Variants in USP48 observed in about 807,000 individuals in gnomAD.
The protein encoded by USP48 is ubiquitin carboxyl-terminal hydrolase 48.
A neutral mutation model predicts 150.7 loss-of-function variants in USP48; 43 were observed. The ratio of observed to expected loss-of-function variants is 0.29; its 90% CI spans 0.22 to 0.37. The LOEUF (loss-of-function observed/expected upper bound fraction) is 0.37. Ranked by LOEUF, USP48 falls within the 10% of genes least tolerant of loss-of-function variation. The probability of loss-of-function intolerance (pLI) is 1.00; values close to 1 mark genes in which losing one functional copy is unlikely to be tolerated. For missense variants in USP48, 813 were observed against 1,249.6 expected, an observed-to-expected ratio of 0.65 and a Z score of 5.27; for synonymous variants, 396 against 425.9, an observed-to-expected ratio of 0.93 and a Z score of 0.86.
intron 11 of USP48, 75 bp from the exon 12 acceptor site, chr1:21,724,170 A>G: frequency 7.1e-7 from 1 of 1,418,142 alleles, no homozygotes; most frequent in Non-Finnish European, 9.8e-7. Flanking sequence ...CATTTTTCTC[A>G]AAAGACAATG....
chr1:21,780,194 G>T (rs2097910938), intron 1 of USP48, among the ~76,000 whole-genome samples: 1 of 152,170 alleles, frequency 6.6e-6, no homozygotes, highest in Non-Finnish European at 1.5e-5. Context: ...ATAAAATGTG[G>T]TATTATCCAT....
At chr1:21,686,930 C>T in intron 25 of USP48, 2 of 488,728 alleles carry the variant, frequency 4.1e-6, no homozygotes, top group South Asian at 4.8e-5. Context: ...TGCAATCTGA[C>T]TTAGTTTTGC....
intron 3 of USP48, among the ~76,000 whole-genome samples, chr1:21,753,456 G>A (rs1042438332): frequency 4.6e-5 from 7 of 151,822 alleles, no homozygotes; most frequent in African/African-American, 1.7e-4. Flanking sequence ...TTGGGAGGCT[G>A]AGACACGAGC....
At chr1:21,698,780 C>T (rs917906240) in intron 22 of USP48, among the ~76,000 whole-genome samples, 4 of 151,794 alleles carry the variant, frequency 2.6e-5, no homozygotes, top group African/African-American at 9.7e-5. Context: ...CTGTAGTCCC[C>T]GTTACTGGGG....
intron 1 of USP48, among the ~76,000 whole-genome samples, chr1:21,765,974 G>C (rs1188988245): frequency 6.9e-6 from 1 of 145,294 alleles, no homozygotes; most frequent in African/African-American, 2.6e-5. Context: ...GGAAGTTCAA[G>C]CATATTGATG....
chr1:21,681,519 C>A (rs1444260222), intron 25 of USP48, among the ~76,000 whole-genome samples: 2 of 152,148 alleles, frequency 1.3e-5, no homozygotes, highest in African/African-American at 4.8e-5. Flanking sequence ...GCCACAGCCT[C>A]CCAAAGTGAT....
intron 9 of USP48, 91 bp downstream of exon 9, chr1:21,736,353 CAT>C: frequency 8.0e-7 from 1 of 1,252,086 alleles, no homozygotes; most frequent in South Asian, 1.5e-5. Context: ...TAGTCTGTAA[CAT>C]AACAATCTTG....
At chr1:21,733,818 G>A (rs2097762644) in intron 9 of USP48, among the ~76,000 whole-genome samples, 2 of 150,810 alleles carry the variant, frequency 1.3e-5, no homozygotes, top group Admixed American at 6.6e-5. Flanking sequence ...TTCAGACAAG[G>A]TCTCACTCCG....
At chr1:21,751,662 A>C (rs1314817895) in intron 5 of USP48, 47 bp from the exon 6 acceptor site, 2 of 1,439,504 alleles carry the variant, frequency 1.4e-6, no homozygotes, top group African/African-American at 2.8e-5. Flanking sequence ...TGTGAAAAGC[A>C]ACAAAGTTAT....
intron 15 of USP48, among the ~76,000 whole-genome samples, chr1:21,712,272 T>A (rs969707633): frequency 6.6e-6 from 1 of 152,100 alleles, no homozygotes; most frequent in African/African-American, 2.4e-5. Flanking sequence ...GGCAGGAGAA[T>A]CACTTAAACC....
chr1:21,682,532 C>T (rs570354823), intron 25 of USP48, among the ~76,000 whole-genome samples: 1 of 151,962 alleles, frequency 6.6e-6, no homozygotes, highest in African/African-American at 2.4e-5. Flanking sequence ...GTCCCAGGCT[C>T]TCATTCCTCA....
intron 22 of USP48, among the ~76,000 whole-genome samples, chr1:21,697,799 G>A (rs2097641350): frequency 6.6e-6 from 1 of 151,906 alleles, no homozygotes; most frequent in African/African-American, 2.4e-5. Context: ...CCAAAACCCT[G>A]AGCATCAAGC....
intron 21 of USP48, 100 bp from the exon 22 acceptor site, chr1:21,701,702 G>T: frequency 2.4e-6 from 2 of 830,692 alleles, no homozygotes; most frequent in East Asian, 2.6e-5. Context: ...TCAAGACGAG[G>T]AACACCTTTA....
rs749664497 is a variant in USP48, at chr1:21,757,791, GA to G, written c.135-9del. 1,259 of 1,453,588 alleles carry G rather than the reference GA, an allele frequency of 8.7e-4. No individual in the cohort carries two copies. The highest frequency in any genetic ancestry group is 2.2e-3 in the Admixed American group (96 of 42,796). 90.0% of individuals were successfully genotyped at this position (1,453,588 alleles called of 1,614,324 possible). ...TTTCCTTTGCAGTTTCGTCTAAGGGGAAAAAAAAAACCTTTAATTTTTAAAA... is the reference window on the plus strand; with the variant it reads ...TTTCCTTTGCAGTTTCGTCTAAGGGGAAAAAAAAACCTTTAATTTTTAAAA... On this transcript the variant is annotated splice_polypyrimidine_tract_variant and intron_variant, in intron 1 of 26. Coordinates refer to ENST00000308271, the MANE Select transcript of USP48 (RefSeq NM_032236.8).
Position 21,752,921 on chromosome 1 carries a change from C to T in USP48, c.540+71G>A. 3 of 1,487,600 alleles carry T rather than the reference C, an allele frequency of 2.0e-6. No individual in the cohort carries two copies. The South Asian group carries it at 4.0e-5, about 20-fold the overall frequency. 92.2% of individuals were successfully genotyped at this position (1,487,600 alleles called of 1,614,324 possible). A position where few individuals can be genotyped will look rare whatever the true frequency, so the allele number is the denominator to read the frequency against. On this transcript the variant is annotated intron_variant, in intron 4 of 26. Transcript: ENST00000308271. ...TTTAAAAAGCATTCTACTTCATCTC[C>T]CTTTATAAACATGCTTAGGATGTTT...
chr1:21,769,621 A>T (rs1279762944), intron 1 of USP48, among the ~76,000 whole-genome samples: 1 of 152,136 alleles, frequency 6.6e-6, no homozygotes, highest in Non-Finnish European at 1.5e-5. Flanking sequence ...CATGTTCCCC[A>T]GGCTGGTCTT....
intron 15 of USP48, among the ~76,000 whole-genome samples, chr1:21,710,138 C>T (rs2097686499): frequency 6.6e-6 from 1 of 152,110 alleles, no homozygotes; most frequent in African/African-American, 2.4e-5. Context: ...TGCAATGAAA[C>T]ATGTTATTTC....
At chr1:21,680,704 T>A (rs2097563398) in intron 26 of USP48, 104 bp downstream of exon 26, 2 of 1,114,800 alleles carry the variant, frequency 1.8e-6, no homozygotes, top group African/African-American at 1.6e-5. Flanking sequence ...GTCATGAGAC[T>A]CAGATTGGAT....
chr1:21,693,210 C>T (rs749305082), intron 23 of USP48, among the ~76,000 whole-genome samples: 1 of 152,186 alleles, frequency 6.6e-6, no homozygotes, highest in Non-Finnish European at 1.5e-5. Flanking sequence ...AAACACTGCA[C>T]ATCTTTTGAG....
Sources: gnomAD v4.1 joint callset for allele counts (sites outside exome capture counted in the v4.1 genomes callset) on GRCh38, gnomAD v4.1.1 for gene constraint, MANE v1.5 for transcripts, NCBI Gene and HGNC (gene_info 2026-07-23, HGNC 2026-07-21) for gene names.